UBAP2: variants seen among roughly 807,000 people sequenced by gnomAD.
UBAP2 encodes the protein ubiquitin-associated protein 2.
Under a neutral mutation model 139.6 loss-of-function variants are expected in UBAP2, and 75 were observed. The ratio of observed to expected loss-of-function variants is 0.54; its 90% CI spans 0.45 to 0.65. UBAP2 has a LOEUF of 0.65. Ranked by LOEUF, UBAP2 falls within the 30% of genes least tolerant of loss-of-function variation. UBAP2 has a pLI of 0.00. For synonymous variants in UBAP2, 526 were observed against 526.2 expected (o/e 1.00, Z 0.01); for missense variants, 1,368 against 1,369.6 (o/e 1.00, Z 0.02).
At chr9:34,021,299 T>G (rs750563543) in intron 1 of UBAP2, among the ~76,000 whole-genome samples, 1 of 152,228 alleles carries the variant, frequency 6.6e-6, no homozygotes, top group Non-Finnish European at 1.5e-5. Context: ...TTGTACTGCC[T>G]TTTACATTAT....
rs1245026732 is a variant in UBAP2 at position 33,935,832 on chromosome 9, T to C, written c.1969+7A>G. 1.2e-6 allele frequency: 2 copies of C among 1,614,168 alleles called. No homozygotes were observed. Among genetic ancestry groups the C allele is most frequent in the Non-Finnish European group, 1.7e-6 (2 of 1,180,014 alleles). On this transcript the variant is annotated splice_region_variant and intron_variant, in intron 17 of 28. Coordinates refer to ENST00000379238, the MANE Select transcript of UBAP2 (RefSeq NM_001370062.2). ...CCATGACAAGAGTAGCTTGCTGCTA[T>C]ACTTACTGTCTAGTGTCTGCTGACT...
At chr9:34,010,588 A>G (rs1006077301) in intron 2 of UBAP2, among the ~76,000 whole-genome samples, 12 of 152,146 alleles carry the variant, frequency 7.9e-5, no homozygotes, top group African/African-American at 2.9e-4. Context: ...GTGATAAAAC[A>G]AATAGAGCAA....
intron 16 of UBAP2, among the ~76,000 whole-genome samples, chr9:33,937,104 A>C (rs1247346466): frequency 6.6e-6 from 1 of 152,000 alleles, no homozygotes; most frequent in Admixed American, 6.6e-5. Context: ...ACTCTTTCTA[A>C]AAAATAAAGT....
chr9:34,017,200 G>T lies in UBAP2; in HGVS notation c.-41-11C>A. ...TACAAAATAGAAAATCTGCAAGAAAGTAGGGATGGTAAGCAAAACAATCAT... is the reference window on the plus strand; with the variant it reads ...TACAAAATAGAAAATCTGCAAGAAATTAGGGATGGTAAGCAAAACAATCAT... On this transcript the variant is annotated splice_polypyrimidine_tract_variant and intron_variant, in intron 1 of 28. Coordinates refer to ENST00000379238, the MANE Select transcript of UBAP2 (RefSeq NM_001370062.2). The T allele has an allele frequency of 7.8e-7, 1 of 1,285,232 alleles. No individual in the cohort carries two copies. Among genetic ancestry groups the T allele is most frequent in the Non-Finnish European group, 1.1e-6 (1 of 934,296 alleles). The allele number at this position is 1,285,232 out of a possible 1,614,324, so 79.6% of individuals were successfully genotyped here.
At chr9:34,046,967 C>T (rs1457145408) in intron 1 of UBAP2, among the ~76,000 whole-genome samples, 2 of 152,076 alleles carry the variant, frequency 1.3e-5, no homozygotes, top group African/African-American at 2.4e-5. Context: ...GTTCTAAAGG[C>T]AACTCCATGT....
At chr9:34,042,405 G>C (rs916660484) in intron 1 of UBAP2, among the ~76,000 whole-genome samples, 2 of 151,608 alleles carry the variant, frequency 1.3e-5, no homozygotes, top group Admixed American at 1.3e-4. Flanking sequence ...TTGAACTTGG[G>C]AGGTGGAGGT....
chr9:33,927,701 G>T, intron 20 of UBAP2, 96 bp downstream of exon 20: 3 of 1,359,928 alleles, frequency 2.2e-6, no homozygotes, highest in Non-Finnish European at 3.0e-6. Context: ...CGGCGGGCCT[G>T]AGACTCTCCT....
Position 33,941,792 on chromosome 9 carries a change from T to C in UBAP2, c.1786A>G (p.Thr596Ala), listed in dbSNP as rs1268797887. 6.2e-7 allele frequency: 1 copy of C among 1,613,908 alleles called. No homozygotes were observed. Among genetic ancestry groups the C allele is most frequent in the Non-Finnish European group, 8.5e-7 (1 of 1,179,998 alleles). ...QNSTYTTSVITSCSLTSSSLN... is the reference protein window; with the variant it reads ...QNSTYTTSVIASCSLTSSSLN... ...GATGAGCTTGTCAGACTGCAGGAGG[T>C]AATGACGGAAGTTGTATATGTGGAG... is the stretch of plus-strand genomic sequence containing the variant. The change falls in exon 16 of 29, where the codon ACC (threonine) becomes GCC (alanine). Residue 596 changes from threonine (T) to alanine (A), a missense_variant. Thr to Ala is a moderately conservative substitution (Grantham distance 58). Coordinates refer to ENST00000379238, the MANE Select transcript of UBAP2 (RefSeq NM_001370062.2).
At chr9:34,025,752 T>A (rs1186932517) in intron 1 of UBAP2, among the ~76,000 whole-genome samples, 1 of 152,242 alleles carries the variant, frequency 6.6e-6, no homozygotes, top group Non-Finnish European at 1.5e-5. Context: ...GTTTTTGTTT[T>A]CTTTTTCATA....
At chr9:34,045,118 CG>C (rs1349205930) in intron 1 of UBAP2, among the ~76,000 whole-genome samples, 3 of 151,978 alleles carry the variant, frequency 2.0e-5, no homozygotes, top group Non-Finnish European at 4.4e-5. Flanking sequence ...GAGGCCGAGG[CG>C]GGCGGATCAC....
intron 8 of UBAP2, among the ~76,000 whole-genome samples, chr9:33,964,309 T>C (rs1284623265): frequency 6.6e-6 from 1 of 152,194 alleles, no homozygotes; most frequent in Non-Finnish European, 1.5e-5. Flanking sequence ...TCAGCTGACA[T>C]CCTTTAACTG....
chr9:34,003,774 G>A (rs1282520626), intron 2 of UBAP2, among the ~76,000 whole-genome samples: 2 of 151,698 alleles, frequency 1.3e-5, no homozygotes, highest in Admixed American at 1.3e-4. Flanking sequence ...AGGCTGGAGT[G>A]CAGTGGTGCG....
chr9:33,984,324 G>C (rs1821016974), intron 6 of UBAP2, among the ~76,000 whole-genome samples: 2 of 151,976 alleles, frequency 1.3e-5, no homozygotes, highest in Admixed American at 1.3e-4. Context: ...ACAATACAAG[G>C]AATCTAAACA....
chr9:33,933,793 TTGTC>T (rs1824211628), intron 17 of UBAP2, 165 bp from the exon 18 acceptor site: 1 of 475,976 alleles, frequency 2.1e-6, no homozygotes. Context: ...AGATAGCCCT[TTGTC>T]TGTCAAACAA....
intron 2 of UBAP2, among the ~76,000 whole-genome samples, chr9:34,009,996 G>A (rs906917312): frequency 2.7e-5 from 4 of 149,768 alleles, no homozygotes; most frequent in South Asian, 2.1e-4. Flanking sequence ...TAGTAGAGAC[G>A]GAGTTTCTCC....
intron 8 of UBAP2, among the ~76,000 whole-genome samples, chr9:33,970,575 T>G (rs113089243): frequency 0.013 from 1,774 of 135,154 alleles, 37 homozygotes; most frequent in African/African-American, 0.049. Flanking sequence ...GGACCACAGG[T>G]GCACACCACC....
chr9:34,022,777 A>C (rs753654618), intron 1 of UBAP2, among the ~76,000 whole-genome samples: 19 of 152,254 alleles, frequency 1.2e-4, no homozygotes, highest in Middle Eastern at 3.4e-3. Flanking sequence ...GAAAAGAATA[A>C]AACAGAATTA....
chr9:33,964,413 G>T (rs1224379554), intron 8 of UBAP2, among the ~76,000 whole-genome samples: 2 of 152,182 alleles, frequency 1.3e-5, no homozygotes, highest in African/African-American at 4.8e-5. Context: ...AAAGAAAAGA[G>T]AGAGGAGGAA....
At chr9:33,984,508 A>T (rs307701) in intron 6 of UBAP2, among the ~76,000 whole-genome samples, 8,474 of 149,376 alleles carry the variant, frequency 0.057, 549 homozygotes, top group African/African-American at 0.15. Context: ...TAAAAAAAAA[A>T]TTTTTTTTTT....
Sources: allele counts gnomAD v4.1 joint callset (sites outside exome capture counted in the v4.1 genomes callset), GRCh38; gene constraint gnomAD v4.1.1; transcripts MANE v1.5; gene names NCBI Gene and HGNC (gene_info 2026-07-23, HGNC 2026-07-21).